Variants in PGM5 observed in about 807,000 individuals in gnomAD.
The protein encoded by PGM5 is phosphoglucomutase 5.
In PGM5, 23 loss-of-function variants were observed where a neutral mutation model predicts 59.2. That is an observed-to-expected ratio of 0.39 (90% CI 0.28 to 0.55). The LOEUF (loss-of-function observed/expected upper bound fraction) is 0.55, where lower values mean the gene tolerates loss of function less well. PGM5 is among the 20% of genes least tolerant of loss of function. The pLI is 0.66. For missense variants in PGM5, 574 were observed against 748.3 expected, an observed-to-expected ratio of 0.77 and a Z score of 2.72; for synonymous variants, 214 against 286.0, an observed-to-expected ratio of 0.75 and a Z score of 2.54.
chr9:68,460,485 A>C (rs1170359073), intron 6 of PGM5, among the ~76,000 whole-genome samples: 1 of 152,196 alleles, frequency 6.6e-6, no homozygotes, highest in Non-Finnish European at 1.5e-5. Context: ...TTTGAGGATC[A>C]TTTAGTCACT....
At chr9:68,459,420 T>C (rs1231329313) in intron 6 of PGM5, among the ~76,000 whole-genome samples, 1 of 152,200 alleles carries the variant, frequency 6.6e-6, no homozygotes, top group Non-Finnish European at 1.5e-5. Flanking sequence ...ATGAGTTTTG[T>C]CTATTTTTGA....
At chr9:68,390,195 T>C (rs2132008957) in intron 4 of PGM5, among the ~76,000 whole-genome samples, 1 of 152,230 alleles carries the variant, frequency 6.6e-6, no homozygotes, top group South Asian at 2.1e-4. Context: ...GGCTAGGCTG[T>C]TCTGTTCTTT....
intron 6 of PGM5, among the ~76,000 whole-genome samples, chr9:68,425,612 T>C (rs1243197578): frequency 5.9e-5 from 9 of 152,220 alleles, no homozygotes; most frequent in African/African-American, 2.2e-4. Flanking sequence ...TTGAGATACC[T>C]ACATTTTAGA....
At chr9:68,361,722 C>A (rs1255062545) in intron 1 of PGM5, among the ~76,000 whole-genome samples, 23 of 152,108 alleles carry the variant, frequency 1.5e-4, no homozygotes, top group Non-Finnish European at 4.4e-5. Context: ...CGCCTAAAGG[C>A]CCCACCTTTT....
chr9:68,509,792 C>A (rs1188257016), intron 10 of PGM5, among the ~76,000 whole-genome samples: 1 of 152,122 alleles, frequency 6.6e-6, no homozygotes, highest in Non-Finnish European at 1.5e-5. Flanking sequence ...TGGTACCTAG[C>A]CTTGGGGTGG....
intron 6 of PGM5, among the ~76,000 whole-genome samples, chr9:68,416,366 G>A (rs1340485800): frequency 6.6e-6 from 1 of 152,106 alleles, no homozygotes; most frequent in Non-Finnish European, 1.5e-5. Flanking sequence ...TTTTTCATGG[G>A]CCCCTAGCGT....
At chr9:68,390,355 A>G (rs567933068) in intron 4 of PGM5, among the ~76,000 whole-genome samples, 191 of 152,272 alleles carry the variant, frequency 1.3e-3, no homozygotes, top group African/African-American at 4.4e-3. Context: ...TTTATATTGT[A>G]TGTCCATCTT....
chr9:68,457,654 C>T (rs1447260382), intron 6 of PGM5, among the ~76,000 whole-genome samples: 1 of 152,096 alleles, frequency 6.6e-6, no homozygotes, highest in Non-Finnish European at 1.5e-5. Flanking sequence ...GAAAAGAGAA[C>T]AAACAAAAAT....
intron 6 of PGM5, among the ~76,000 whole-genome samples, chr9:68,401,666 G>T (rs1237014277): frequency 2.0e-5 from 3 of 151,756 alleles, no homozygotes; most frequent in Non-Finnish European, 2.9e-5. Flanking sequence ...TCTCCAACGG[G>T]AACATTAACT....
At chr9:68,369,959 T>TA (rs1281180063) in intron 1 of PGM5, among the ~76,000 whole-genome samples, 5 of 152,180 alleles carry the variant, frequency 3.3e-5, no homozygotes, top group African/African-American at 1.2e-4. Flanking sequence ...GTCACCTGTT[T>TA]ACCCATGGAC....
intron 6 of PGM5, among the ~76,000 whole-genome samples, chr9:68,403,179 A>G (rs1563995336): frequency 6.6e-6 from 1 of 152,128 alleles, no homozygotes; most frequent in Non-Finnish European, 1.5e-5. Context: ...AGATTCTCAT[A>G]GGAGAGCAAA....
chr9:68,391,464 C>T, intron 4 of PGM5, 70 bp from the exon 5 acceptor site: 1 of 1,309,656 alleles, frequency 7.6e-7, no homozygotes. Context: ...GTTTCCTGTA[C>T]TATTCAGAAC....
chr9:68,430,310 G>A (rs1393470611), intron 6 of PGM5, among the ~76,000 whole-genome samples: 1 of 152,150 alleles, frequency 6.6e-6, no homozygotes, highest in Non-Finnish European at 1.5e-5. Context: ...GTGGATGTGC[G>A]TGAGCTATGG....
intron 10 of PGM5, among the ~76,000 whole-genome samples, chr9:68,500,737 G>A (rs1274407739): frequency 2.6e-5 from 4 of 152,192 alleles, no homozygotes; most frequent in Admixed American, 6.5e-5. Flanking sequence ...AGCTACGTAC[G>A]TGAGGAATGA....
chr9:68,420,086 C>T (rs1554682252), intron 6 of PGM5, among the ~76,000 whole-genome samples: 2 of 152,142 alleles, frequency 1.3e-5, no homozygotes, highest in East Asian at 1.9e-4. Flanking sequence ...AAACGTACAC[C>T]TAGAGGAATT....
rs1358986612 is a variant in PGM5 at position 68,357,139 on chromosome 9, C to A, written c.12C>A (p.Ser4Arg). Residue 4 changes from serine (S) to arginine (R), a missense_variant, in exon 1 of 11, where the codon AGC becomes AGA. Ser to Arg is a moderately radical substitution (Grantham distance 110, BLOSUM62 -1). Transcript: ENST00000396396. ...GGCCAGGAGGCGCCATGGAGGGGAG[C>A]CCCATCCCGGTGCTGACAGTGCCCA... The part of the protein sequence containing the change: MEG[S>R]PIPVLTVPTA... 5.6e-5 allele frequency: 86 copies of A among 1,528,378 alleles called. No individual in the cohort carries two copies. Among genetic ancestry groups the A allele is most frequent in the Non-Finnish European group, 6.8e-5 (78 of 1,142,526 alleles). 94.7% of individuals were successfully genotyped at this position (1,528,378 alleles called of 1,614,324 possible).
intron 10 of PGM5, among the ~76,000 whole-genome samples, chr9:68,528,807 TCA>T (rs1825031080): frequency 6.6e-6 from 1 of 152,222 alleles, no homozygotes; most frequent in South Asian, 2.1e-4. Flanking sequence ...ACTGATTTTC[TCA>T]CTGTTTTATT....
chr9:68,470,315 G>T (rs548416457), intron 7 of PGM5, among the ~76,000 whole-genome samples: 2 of 152,174 alleles, frequency 1.3e-5, no homozygotes, highest in Admixed American at 6.5e-5. Context: ...TAGTCATTTT[G>T]TGCTCTGTTG....
intron 10 of PGM5, among the ~76,000 whole-genome samples, chr9:68,511,910 C>T (rs1235113470): frequency 5.3e-5 from 8 of 152,088 alleles, no homozygotes. Context: ...AGAAATGTCC[C>T]AAGAGAACTG....
Sources: gnomAD v4.1 joint callset for allele counts (sites outside exome capture counted in the v4.1 genomes callset) on GRCh38, gnomAD v4.1.1 for gene constraint, MANE v1.5 for transcripts, NCBI Gene and HGNC (gene_info 2026-07-23, HGNC 2026-07-21) for gene names.